Variants in COPB1 observed in about 807,000 individuals in gnomAD.
COPB1 encodes coat protein complex I subunit beta 1, also known as coatomer subunit beta.
Under a neutral mutation model 108.7 loss-of-function variants are expected in COPB1, and 21 were observed. The ratio of observed to expected loss-of-function variants is 0.19; its 90% CI spans 0.14 to 0.28. The LOEUF (loss-of-function observed/expected upper bound fraction) is 0.28. Ranked by LOEUF, COPB1 falls within the 10% of genes least tolerant of loss-of-function variation. The pLI is 1.00. For synonymous variants in COPB1, 378 were observed against 386.8 expected, an observed-to-expected ratio of 0.98 and a Z score of 0.27; for missense variants, 919 against 1,141.3, an observed-to-expected ratio of 0.81 and a Z score of 2.81.
intron 12 of COPB1, 97 bp from the exon 13 acceptor site, chr11:14,476,042 C>T: frequency 8.9e-7 from 1 of 1,125,064 alleles, no homozygotes; most frequent in Non-Finnish European, 1.2e-6. Flanking sequence ...AGGCATTACC[C>T]TAATGGGATT....
Position 14,457,620 on chromosome 11 carries a change from C to A in COPB1, c.*204G>T, listed in dbSNP as rs1004395227. On this transcript the variant is annotated 3_prime_UTR_variant, in exon 22 of 22. Coordinates refer to ENST00000439561, the MANE Select transcript of COPB1 (RefSeq NM_001144061.2). Reference sequence around the variant, plus strand: ...CATGAAACATTATATACTTTGAGGACAGCATTCAGAACTGTTAAGACAAAA... The same window carrying A: ...CATGAAACATTATATACTTTGAGGAAAGCATTCAGAACTGTTAAGACAAAA... 8.4e-6 allele frequency: 4 copies of A among 477,948 alleles called. No individual in the cohort carries two copies. In the Admixed American group the frequency reaches 1.5e-4, roughly 18 times the overall value. 29.6% of individuals were successfully genotyped at this position (477,948 alleles called of 1,614,324 possible).
At chr11:14,489,647 T>C (rs1850851052) in intron 5 of COPB1, among the ~76,000 whole-genome samples, 1 of 152,144 alleles carries the variant, frequency 6.6e-6, no homozygotes, top group Non-Finnish European at 1.5e-5. Context: ...ACTGTATGAT[T>C]CCACTTATCC....
intron 11 of COPB1, among the ~76,000 whole-genome samples, chr11:14,479,150 G>T (rs1850601234): frequency 1.3e-5 from 2 of 152,086 alleles, no homozygotes; most frequent in South Asian, 4.1e-4. Context: ...TGCTTTAAAT[G>T]AAGCAAAATT....
chr11:14,475,974 G>T, intron 12 of COPB1, 29 bp from the exon 13 acceptor site: 1 of 1,543,898 alleles, frequency 6.5e-7, no homozygotes, highest in Non-Finnish European at 8.7e-7. Context: ...CATCATTTTA[G>T]TAATAGTATC....
chr11:14,464,828 TCATA>T, intron 18 of COPB1, 79 bp downstream of exon 18: 1 of 1,430,460 alleles, frequency 7.0e-7, no homozygotes, highest in Non-Finnish European at 9.6e-7. Flanking sequence ...GATCCTCTCC[TCATA>T]CAATGTCCCC....
chr11:14,463,885 A>T (rs1850220567), intron 18 of COPB1, among the ~76,000 whole-genome samples: 1 of 151,958 alleles, frequency 6.6e-6, no homozygotes, highest in African/African-American at 2.4e-5. Context: ...TCTCCATTCC[A>T]CTACTGTGTT....
chr11:14,473,411 C>T (rs906419514), intron 14 of COPB1, among the ~76,000 whole-genome samples: 1 of 152,158 alleles, frequency 6.6e-6, no homozygotes, highest in African/African-American at 2.4e-5. Flanking sequence ...GACATGCATT[C>T]CTTACTAAGT....
rs61014253 is a variant in COPB1, at chr11:14,477,389, C to CA, written c.1359-375dup. Among the ~76,000 whole-genome samples, 22 of 73,274 alleles carry CA rather than the reference C, an allele frequency of 3.0e-4. 1 individual carries two copies. Among genetic ancestry groups the CA allele is most frequent in the South Asian group, 1.2e-3 (2 of 1,644 alleles). 48.1% of individuals were successfully genotyped at this position (73,274 alleles called of 152,430 possible). On this transcript the variant is annotated intron_variant, in intron 11 of 21. Transcript: ENST00000439561. ...TGGGTGACAGAGCGAGACTCCGTCT[C>CA]AAAAAAAAAAAAAAAACAAGGGCCA...
chr11:14,470,899 TACACAC>T (rs56957263), intron 14 of COPB1, among the ~76,000 whole-genome samples: 15,631 of 134,670 alleles, frequency 0.12, 1,014 homozygotes, highest in African/African-American at 0.2. Flanking sequence ...GTGGAAGAAA[TACACAC>T]ACACACACAC....
chr11:14,469,358 T>C lies in COPB1; in HGVS notation c.1943A>G (p.Glu648Gly). 6.2e-7 allele frequency: 1 copy of C among 1,613,976 alleles called. No homozygotes were observed. Among genetic ancestry groups the C allele is most frequent in the Non-Finnish European group, 8.5e-7 (1 of 1,179,848 alleles). The change falls in exon 15 of 22, where the codon GAA becomes GGA. Residue 648 changes from glutamate to glycine, a missense_variant. Coordinates refer to ENST00000439561, the MANE Select transcript of COPB1 (RefSeq NM_001144061.2). Reference sequence around the variant, plus strand: ...TACCTTTTGGGATAATTTCTCTTCTTCTAGTTTAGCAGATAACATGTGAGA... The same window carrying C: ...TACCTTTTGGGATAATTTCTCTTCTCCTAGTTTAGCAGATAACATGTGAGA... ...SLSHMLSAKL[E>G]EEKLSQKKES...
Position 14,480,892 on chromosome 11 carries a change from A to T in COPB1, c.1079T>A (p.Leu360Gln). ...SRNVEELVIVLKKEVIKTNNV... is the reference protein window; with the variant it reads ...SRNVEELVIVQKKEVIKTNNV... ...ATTTGTTTTTATCACTTCCTTCTTCAGGACAATAACCAGCTTATAGAATGA... is the reference window on the plus strand; with the variant it reads ...ATTTGTTTTTATCACTTCCTTCTTCTGGACAATAACCAGCTTATAGAATGA... Residue 360 changes from leucine to glutamine, a missense_variant, in exon 10 of 22, where the codon CTG (leucine) becomes CAG (glutamine). Leu to Gln is a moderately radical substitution (Grantham distance 113). Around this residue, in one of 5 missense-constraint regions of COPB1, gnomAD observed 705 missense variants for 817.8 expected, o/e 0.86. Coordinates refer to ENST00000439561, the MANE Select transcript of COPB1 (RefSeq NM_001144061.2). 6.2e-7 allele frequency: 1 copy of T among 1,613,950 alleles called. No individual in the cohort carries two copies.
chr11:14,493,492 T>G (rs574471751), intron 4 of COPB1, 150 bp downstream of exon 4: 2 of 589,618 alleles, frequency 3.4e-6, no homozygotes, highest in South Asian at 9.3e-5. Flanking sequence ...ATCTTTTGAC[T>G]TTTCAATGTT....
intron 7 of COPB1, among the ~76,000 whole-genome samples, chr11:14,484,511 A>G (rs1850728801): frequency 6.6e-6 from 1 of 152,174 alleles, no homozygotes; most frequent in African/African-American, 2.4e-5. Flanking sequence ...CAAGGTCAGG[A>G]GATCGAGACC....
At chr11:14,479,469 G>A (rs1850608658) in intron 11 of COPB1, 100 bp downstream of exon 11, 3 of 1,177,082 alleles carry the variant, frequency 2.5e-6, no homozygotes, top group South Asian at 3.8e-5. Flanking sequence ...ATTTTGGCTT[G>A]ATTGTCCTCT....
chr11:14,459,908 T>C (rs868126155), intron 20 of COPB1: 1 of 196,150 alleles, frequency 5.1e-6, no homozygotes, highest in East Asian at 1.3e-4. Flanking sequence ...TGAACCACCA[T>C]GTGCAGCATA....
At chr11:14,471,783 G>A (rs539739168) in intron 14 of COPB1, among the ~76,000 whole-genome samples, 14 of 152,214 alleles carry the variant, frequency 9.2e-5, no homozygotes, top group African/African-American at 3.4e-4. Context: ...TTAGACAGGC[G>A]TGGTGGCAGG....
At chr11:14,498,803 TTTC>T (rs1167995744) in intron 2 of COPB1, 32 bp downstream of exon 2, 8 of 1,507,530 alleles carry the variant, frequency 5.3e-6, no homozygotes, top group Non-Finnish European at 6.3e-6. Flanking sequence ...TTTTTTCTTT[TTTC>T]ATTTCATTCT....
At chr11:14,487,331 A>G (rs1850795952) in intron 6 of COPB1, among the ~76,000 whole-genome samples, 1 of 152,196 alleles carries the variant, frequency 6.6e-6, no homozygotes, top group Non-Finnish European at 1.5e-5. Context: ...GATAGCAGGG[A>G]ACCGCTAATT....
intron 2 of COPB1, among the ~76,000 whole-genome samples, chr11:14,494,899 TAGAA>T (rs371048610): frequency 7.2e-5 from 11 of 152,296 alleles, no homozygotes; most frequent in African/African-American, 2.4e-4. Flanking sequence ...TTTTTAACAT[TAGAA>T]AGAGAAACGT....
Sources: gnomAD v4.1 joint callset for allele counts (sites outside exome capture counted in the v4.1 genomes callset) on GRCh38, gnomAD v4.1.1 for gene constraint, gnomAD v4.1.1 regional missense constraint, MANE v1.5 for transcripts, NCBI Gene and HGNC (gene_info 2026-07-23, HGNC 2026-07-21) for gene names.